Variants in ZNF385D observed in about 807,000 individuals in gnomAD.
The protein encoded by ZNF385D is zinc finger protein 659.
ZNF385D carries 15 observed loss-of-function variants against 35.8 expected under a neutral mutation model. The ratio of observed to expected loss-of-function variants is 0.42; its 90% CI spans 0.28 to 0.64. The LOEUF (loss-of-function observed/expected upper bound fraction) is 0.64, where lower values mean the gene tolerates loss of function less well. Among genes scored for constraint, ZNF385D ranks in the 30% least tolerant of loss-of-function variants. The pLI, the probability that ZNF385D is intolerant of heterozygous loss-of-function variation, is 0.23. For synonymous variants in ZNF385D, 212 were observed against 186.8 expected (o/e 1.13, Z -1.10); for missense variants, 474 against 494.6 (o/e 0.96, Z 0.39).
intron 3 of ZNF385D, among the ~76,000 whole-genome samples, chr3:21,924,076 C>G (rs1001910598): frequency 6.6e-6 from 1 of 152,056 alleles, no homozygotes; most frequent in African/African-American, 2.4e-5. Flanking sequence ...AGCACATAAT[C>G]AATGAGATAA....
intron 2 of ZNF385D, among the ~76,000 whole-genome samples, chr3:22,215,539 T>A (rs1697819931): frequency 6.6e-6 from 1 of 151,986 alleles, no homozygotes; most frequent in African/African-American, 2.4e-5. Flanking sequence ...GACAAGGAAA[T>A]TCCCGCCTAA....
At chr3:22,083,730 A>G (rs1700883445) in intron 3 of ZNF385D, among the ~76,000 whole-genome samples, 1 of 152,146 alleles carries the variant, frequency 6.6e-6, no homozygotes, top group Non-Finnish European at 1.5e-5. Flanking sequence ...AAATACAGAG[A>G]ACACCACAAA....
chr3:21,888,055 C>T (rs1478241058), intron 3 of ZNF385D, among the ~76,000 whole-genome samples: 1 of 151,958 alleles, frequency 6.6e-6, no homozygotes, highest in Non-Finnish European at 1.5e-5. Context: ...TCTTTTCCCC[C>T]TTTTATTCAA....
chr3:22,315,043 G>A (rs756935119), intron 2 of ZNF385D, among the ~76,000 whole-genome samples: 6 of 152,086 alleles, frequency 3.9e-5, no homozygotes, highest in Non-Finnish European at 4.4e-5. Context: ...GCTGAATTGA[G>A]TAAAGAATGA....
Position 21,569,232 on chromosome 3 carries a change from G to C in ZNF385D, c.166-4548C>G, listed in dbSNP as rs575356651. On this transcript the variant is annotated intron_variant, in intron 2 of 7. Coordinates refer to ENST00000281523, the MANE Select transcript of ZNF385D (RefSeq NM_024697.3). ...GTAGGTCACTCAGGACTTGCTTTAT[G>C]AATCTGGGTGCTCCTGTATTGGGTG... Among the ~76,000 whole-genome samples, 174 of 150,368 alleles carry C rather than the reference G, an allele frequency of 1.2e-3. 2 individuals carry two copies. The highest frequency in any genetic ancestry group is 4.0e-3 in the African/African-American group (163 of 40,734).
intron 3 of ZNF385D, among the ~76,000 whole-genome samples, chr3:21,985,718 A>T (rs1178967214): frequency 9.3e-5 from 12 of 128,634 alleles, no homozygotes; most frequent in African/African-American, 3.8e-4. Context: ...TTTTCTATTG[A>T]TTGGAATAGT....
intron 3 of ZNF385D, among the ~76,000 whole-genome samples, chr3:22,010,630 C>T (rs907111789): frequency 6.6e-6 from 1 of 152,166 alleles, no homozygotes; most frequent in East Asian, 1.9e-4. Context: ...TCTGAATGGA[C>T]ATGAGGTTCC....
chr3:21,943,782 T>G (rs1051780468), intron 3 of ZNF385D, among the ~76,000 whole-genome samples: 4 of 152,156 alleles, frequency 2.6e-5, no homozygotes, highest in African/African-American at 7.2e-5. Flanking sequence ...TGAACAGTAA[T>G]TTAGTCCTGG....
rs538964997 is a variant in ZNF385D at position 21,743,901 on chromosome 3, G to A, written c.22+6994C>T. Among the ~76,000 whole-genome samples the A allele has an allele frequency of 2.6e-5, 4 of 152,330 alleles. No homozygotes were observed. The South Asian group carries it at 6.2e-4, about 24-fold the overall frequency. On this transcript the variant is annotated intron_variant, in intron 1 of 7. Transcript: ENST00000281523. ...TATGTTCAGATTTCTGTTATGAATT[G>A]TAATTTCACAAAGTCAAGTCAAAAC... is the stretch of plus-strand genomic sequence containing the variant.
chr3:21,633,165 A>C (rs1575362265), intron 2 of ZNF385D, among the ~76,000 whole-genome samples: 1 of 152,096 alleles, frequency 6.6e-6, no homozygotes, highest in South Asian at 2.1e-4. Context: ...GTGTAAACTC[A>C]CTTGCTTGGG....
At chr3:21,999,205 C>A (rs922866366) in intron 3 of ZNF385D, among the ~76,000 whole-genome samples, 1 of 152,120 alleles carries the variant, frequency 6.6e-6, no homozygotes, top group Admixed American at 6.5e-5. Flanking sequence ...CATTACACTG[C>A]ATTAAAATGT....
rs530785884 is a variant in ZNF385D at position 21,505,475 on chromosome 3, A to G, written c.439+5386T>C. The stretch of plus-strand genomic sequence containing the variant: ...CACCCCTACACGTAGAGAGTAAACT[A>G]TGTTCTAACTGTTCTAACTATCACA... On this transcript the variant is annotated intron_variant, in intron 4 of 7. Transcript: ENST00000281523. Among the ~76,000 whole-genome samples the G allele has an allele frequency of 3.2e-4, 48 of 152,280 alleles. 1 individual carries two copies. The South Asian group carries it at 6.0e-3, about 19-fold the overall frequency.
At chr3:21,976,368 CAAAT>C (rs1703624704) in intron 3 of ZNF385D, among the ~76,000 whole-genome samples, 1 of 151,990 alleles carries the variant, frequency 6.6e-6, no homozygotes, top group South Asian at 2.1e-4. Context: ...TTAGTATCTT[CAAAT>C]AAATAAATGA....
rs143461036 is a variant in ZNF385D at position 21,447,859 on chromosome 3, C to T, written c.440-10656G>A. 3.4e-3 allele frequency among the ~76,000 whole-genome samples: 525 copies of T among 152,258 alleles called. 5 individuals are homozygous for T. The highest frequency in any genetic ancestry group is 0.012 in the African/African-American group (491 of 41,572). ...ACATACCATAAAAATGAAGAAATAA[C>T]AGCCAGCTCTTCAGTTTTTTTGTAC... On this transcript the variant is annotated intron_variant, in intron 4 of 7. Coordinates refer to ENST00000281523, the MANE Select transcript of ZNF385D (RefSeq NM_024697.3).
At chr3:21,903,801 G>T (rs1365789030) in intron 3 of ZNF385D, among the ~76,000 whole-genome samples, 2 of 152,104 alleles carry the variant, frequency 1.3e-5, no homozygotes, top group African/African-American at 4.8e-5. Context: ...AAGACTTTGT[G>T]CAGTCATGAG....
At chr3:22,082,971 C>G (rs1361765424) in intron 3 of ZNF385D, among the ~76,000 whole-genome samples, 1 of 152,168 alleles carries the variant, frequency 6.6e-6, no homozygotes, top group Non-Finnish European at 1.5e-5. Context: ...TCCAACAGAC[C>G]TGCAGCTGAG....
intron 4 of ZNF385D, among the ~76,000 whole-genome samples, chr3:21,467,978 G>A (rs141464191): frequency 6.2e-4 from 94 of 152,134 alleles, no homozygotes; most frequent in African/African-American, 1.8e-3. Flanking sequence ...ACTTGTCTAC[G>A]GGAATGCAAA....
intron 3 of ZNF385D, among the ~76,000 whole-genome samples, chr3:21,980,029 A>T (rs935885469): frequency 1.3e-5 from 2 of 152,176 alleles, no homozygotes; most frequent in Non-Finnish European, 2.9e-5. Flanking sequence ...CATAAAAGGC[A>T]TTGTGATATC....
rs1696138598 is a variant in ZNF385D at position 22,356,152 on chromosome 3, G to A, written c.106+16298C>T. ...CTACTTTGAATTCCAAGGACTGTGT[G>A]GAGGTGGAAATCAAGACACCAAATC... On this transcript the variant is annotated intron_variant, in intron 2 of 5. Transcript: ENST00000494108. Among the ~76,000 whole-genome samples, 5 of 151,974 alleles carry A rather than the reference G, an allele frequency of 3.3e-5. No individual in the cohort carries two copies. The South Asian group carries it at 1.0e-3, about 31-fold the overall frequency.
Sources: gnomAD v4.1 joint callset for allele counts (sites outside exome capture counted in the v4.1 genomes callset) on GRCh38, gnomAD v4.1.1 for gene constraint, MANE v1.5 for transcripts, NCBI Gene and HGNC (gene_info 2026-07-23, HGNC 2026-07-21) for gene names.